The following BRD7 variants were observed in gnomAD, a reference collection of about 807,000 sequenced individuals.
BRD7 encodes bromodomain-containing protein 7.
In BRD7, 15 loss-of-function variants were observed where a neutral mutation model predicts 82.1. The ratio of observed to expected loss-of-function variants is 0.18; its 90% CI spans 0.12 to 0.28. The LOEUF is 0.28. Ranked by LOEUF, BRD7 falls within the 10% of genes least tolerant of loss-of-function variation. The probability of loss-of-function intolerance (pLI) is 1.00; values close to 1 mark genes in which losing one functional copy is unlikely to be tolerated. For synonymous variants in BRD7, 232 were observed against 266.9 expected (o/e 0.87, Z 1.27); for missense variants, 638 against 779.9 (o/e 0.82, Z 2.17).
chr16:50,319,364 G>C (rs1490837680), intron 16 of BRD7, 98 bp from the exon 17 acceptor site: 1 of 1,151,672 alleles, frequency 8.7e-7, no homozygotes, highest in East Asian at 2.5e-5. Flanking sequence ...CATAACTGCT[G>C]AGAGCCCTTC....
At chr16:50,340,148 AG>A in intron 5 of BRD7, 62 bp from the exon 6 acceptor site, 1 of 906,226 alleles carries the variant, frequency 1.1e-6, no homozygotes, top group Non-Finnish European at 1.7e-6. Context: ...CTGCACCCCC[AG>A]GTTGAAAATA....
chr16:50,356,959 C>G (rs925182849), intron 2 of BRD7, among the ~76,000 whole-genome samples: 36 of 152,174 alleles, frequency 2.4e-4, no homozygotes, highest in African/African-American at 8.4e-4. Context: ...GGCCTATGCC[C>G]TATTTTTTAT....
At position 50,318,145 on chromosome 16, in the gene BRD7, G is replaced by GTATTT. The variant is rs2036901071; in HGVS notation, c.*1061_*1065dup. 6.6e-6 allele frequency: 1 copy of GTATTT among 152,224 alleles called. No homozygotes were observed. The highest frequency in any genetic ancestry group is 6.5e-5 in the Admixed American group (1 of 15,280). The allele number at this position is 152,224 out of a possible 1,614,324, so 9.4% of individuals were successfully genotyped here. The stretch of plus-strand genomic sequence containing the variant: ...ATTTGAAAAACTCAAATATCTGAAG[G>GTATTT]TATTTTATTTTCGTGGTCCTCATGA... On this transcript the variant is annotated 3_prime_UTR_variant, in exon 17 of 17. Coordinates refer to ENST00000394688, the MANE Select transcript of BRD7 (RefSeq NM_013263.5).
intron 5 of BRD7, among the ~76,000 whole-genome samples, chr16:50,343,253 T>C (rs2038145390): frequency 6.6e-6 from 1 of 152,204 alleles, no homozygotes; most frequent in East Asian, 1.9e-4. Context: ...GGGAGGTGAT[T>C]TGATCATGGA....
At position 50,333,525 on chromosome 16, in the gene BRD7, G is replaced by C. The variant is rs372388504; in HGVS notation, c.1011+49C>G. 55 of 1,586,866 alleles carry C rather than the reference G, an allele frequency of 3.5e-5. 1 individual carries two copies. Among genetic ancestry groups the C allele is most frequent in the Non-Finnish European group, 4.4e-5 (51 of 1,170,154 alleles). ...AGCAATTTAAAAACTAAAAGTTTCA[G>C]ATGCCCCAAATCAGTAGGTAGAGAA... On this transcript the variant is annotated intron_variant, in intron 8 of 16. Transcript: ENST00000394688.
chr16:50,336,447 T>C (rs991052454), intron 6 of BRD7, among the ~76,000 whole-genome samples: 31 of 152,166 alleles, frequency 2.0e-4, no homozygotes, highest in Admixed American at 1.8e-3. Context: ...AAATCAATAG[T>C]ATCACTTAAA....
At chr16:50,347,011 A>G (rs138987888) in intron 5 of BRD7, among the ~76,000 whole-genome samples, 2,410 of 152,358 alleles carry the variant, frequency 0.016, 62 homozygotes, top group African/African-American at 0.055. Context: ...AAAATCCTCA[A>G]TAAAATACTG....
At chr16:50,330,336 ACTT>A (rs200293443) in intron 8 of BRD7, among the ~76,000 whole-genome samples, 48,618 of 139,286 alleles carry the variant, frequency 0.35, 7,961 homozygotes, top group East Asian at 0.66. Context: ...AAAAGAGGAC[ACTT>A]TTTTTTTTTT....
chr16:50,354,465 G>C lies in BRD7; in HGVS notation c.406C>G (p.Leu136Val). The C allele has an allele frequency of 6.2e-7, 1 of 1,612,064 alleles. No individual in the cohort carries two copies. Among genetic ancestry groups the C allele is most frequent in the Admixed American group, 1.7e-5 (1 of 59,986 alleles). ...AKQEEVEQTP[L>V]QEALNQLMRQ... ...ATCAGTTGATTCAAAGCTTCTTGAA[G>C]GGGTGTCTGTTCTACTTCTAAAGCA... The change falls in exon 4 of 17, where the codon CTT (leucine) becomes GTT (valine). Residue 136 changes from leucine to valine, a missense_variant. Coordinates refer to ENST00000394688, the MANE Select transcript of BRD7 (RefSeq NM_013263.5).
intron 8 of BRD7, among the ~76,000 whole-genome samples, chr16:50,330,993 T>C (rs907055787): frequency 6.6e-6 from 1 of 152,102 alleles, no homozygotes; most frequent in Non-Finnish European, 1.5e-5. Flanking sequence ...AAAGATACAA[T>C]ATCAATTTAC....
intron 6 of BRD7, among the ~76,000 whole-genome samples, chr16:50,338,443 A>C (rs1158575126): frequency 6.6e-6 from 1 of 152,236 alleles, no homozygotes; most frequent in African/African-American, 2.4e-5. Flanking sequence ...ACATCTGCAC[A>C]CCAAGGCATT....
intron 4 of BRD7, among the ~76,000 whole-genome samples, chr16:50,351,060 A>G (rs1297454026): frequency 3.3e-5 from 5 of 152,220 alleles, no homozygotes; most frequent in African/African-American, 9.6e-5. Flanking sequence ...GAAATCTGGC[A>G]CACCAAAAGT....
chr16:50,342,638 G>A (rs1012923084), intron 5 of BRD7, among the ~76,000 whole-genome samples: 2 of 151,938 alleles, frequency 1.3e-5, no homozygotes, highest in Admixed American at 6.6e-5. Flanking sequence ...ACCCAGGATG[G>A]TCTTGATCTC....
chr16:50,351,369 TGAC>T (rs2038516016), intron 4 of BRD7, among the ~76,000 whole-genome samples: 1 of 152,160 alleles, frequency 6.6e-6, no homozygotes, highest in Non-Finnish European at 1.5e-5. Context: ...GACTAAAAAA[TGAC>T]AACAAGCAAA....
At chr16:50,334,207 T>C (rs1055801539) in intron 7 of BRD7, among the ~76,000 whole-genome samples, 3 of 152,200 alleles carry the variant, frequency 2.0e-5, no homozygotes, top group Non-Finnish European at 4.4e-5. Flanking sequence ...AACGGGCAGA[T>C]GCGGCTGCCG....
chr16:50,354,967 A>AT lies in BRD7; in HGVS notation c.259-46dup, dbSNP rs767829271. On this transcript the variant is annotated intron_variant, in intron 2 of 16. Coordinates refer to ENST00000394688, the MANE Select transcript of BRD7 (RefSeq NM_013263.5). Reference sequence around the variant, plus strand: ...ATAATTTAGAAATATTTCAGAACCAATATCTTTAAATACATAAATCATTTT... The same window carrying AT: ...ATAATTTAGAAATATTTCAGAACCAATTATCTTTAAATACATAAATCATTTT... 28 of 1,584,198 alleles carry AT rather than the reference A, an allele frequency of 1.8e-5. 1 individual carries two copies. In the South Asian group the frequency reaches 3.2e-4, roughly 18 times the overall value.
chr16:50,338,535 T>C (rs1386062493), intron 6 of BRD7, among the ~76,000 whole-genome samples: 1 of 152,230 alleles, frequency 6.6e-6, no homozygotes, highest in Non-Finnish European at 1.5e-5. Flanking sequence ...GACTCATTTT[T>C]ATCATCCTTT....
rs549158721 is a variant in BRD7 at position 50,317,776 on chromosome 16, C to T, written c.*1435G>A. On this transcript the variant is annotated 3_prime_UTR_variant, in exon 17 of 17. Coordinates refer to ENST00000394688, the MANE Select transcript of BRD7 (RefSeq NM_013263.5). ...TTTGTTTTATGACAGACACACGTAT[C>T]TAACAAACAAACAAACAGTGACCTT... is the stretch of plus-strand genomic sequence containing the variant. The T allele has an allele frequency of 1.3e-5, 2 of 152,408 alleles. No homozygotes were observed. The highest frequency in any genetic ancestry group is 4.8e-5 in the African/African-American group (2 of 41,536). 9.4% of individuals were successfully genotyped at this position (152,408 alleles called of 1,614,324 possible).
intron 4 of BRD7, 34 bp downstream of exon 4, chr16:50,354,391 T>C: frequency 6.4e-7 from 1 of 1,561,986 alleles, no homozygotes; most frequent in Non-Finnish European, 8.8e-7. Context: ...CCATTTTAAT[T>C]TCTATGTTAT....
Sources: allele counts gnomAD v4.1 joint callset (sites outside exome capture counted in the v4.1 genomes callset), GRCh38; gene constraint gnomAD v4.1.1; transcripts MANE v1.5; gene names NCBI Gene and HGNC (gene_info 2026-07-23, HGNC 2026-07-21).